Variants in ARL15 observed in about 807,000 individuals in gnomAD.
ARL15 encodes ARF like GTPase 15, also known as ADP-ribosylation factor-like protein 15.
In ARL15, 19 loss-of-function variants were observed where a neutral mutation model predicts 25.2. That is an observed-to-expected ratio of 0.75 (90% CI 0.53 to 1.10). ARL15 has a LOEUF of 1.10. ARL15 is among the 50% of genes least tolerant of loss of function. The pLI is 0.00. For synonymous variants in ARL15, 94 were observed against 86.8 expected, an observed-to-expected ratio of 1.08 and a Z score of -0.46; for missense variants, 220 against 246.0, an observed-to-expected ratio of 0.89 and a Z score of 0.71.
chr5:54,223,074 G>A (rs1200313560), intron 1 of ARL15, among the ~76,000 whole-genome samples: 2 of 149,826 alleles, frequency 1.3e-5, no homozygotes, highest in South Asian at 2.1e-4. Flanking sequence ...CGCCAGCCTC[G>A]GCAAGGAGAC....
intron 1 of ARL15, among the ~76,000 whole-genome samples, chr5:54,277,961 A>C (rs11745511): frequency 0.56 from 85,420 of 152,026 alleles, 25,646 homozygotes; most frequent in Non-Finnish European, 0.68. Flanking sequence ...GTATGCTTCA[A>C]ACAGTACCAT....
intron 4 of ARL15, among the ~76,000 whole-genome samples, chr5:53,918,181 T>TTTTATTTA (rs112974035): frequency 1.6e-4 from 25 of 151,952 alleles, no homozygotes; most frequent in African/African-American, 6.0e-4. Context: ...AAAAAGCAGA[T>TTTTATTTA]TTTATTTATT....
At chr5:54,165,980 G>A (rs1561249899) in intron 2 of ARL15, among the ~76,000 whole-genome samples, 2 of 152,014 alleles carry the variant, frequency 1.3e-5, no homozygotes, top group Admixed American at 6.6e-5. Flanking sequence ...ACATTATGGA[G>A]GACAATCTGT....
chr5:54,110,962 G>T (rs1000574542), intron 4 of ARL15, among the ~76,000 whole-genome samples: 1 of 151,912 alleles, frequency 6.6e-6, no homozygotes, highest in African/African-American at 2.4e-5. Flanking sequence ...CTGTCATCAA[G>T]AAATGGGAAA....
At chr5:54,058,007 TA>T (rs754962719) in intron 4 of ARL15, among the ~76,000 whole-genome samples, 40,201 of 141,466 alleles carry the variant, frequency 0.28, 7,046 homozygotes, top group Admixed American at 0.38. Context: ...TTTATTTATT[TA>T]TTTATTTATT....
At chr5:54,048,893 A>G (rs1282755162) in intron 4 of ARL15, among the ~76,000 whole-genome samples, 2 of 152,024 alleles carry the variant, frequency 1.3e-5, no homozygotes, top group Non-Finnish European at 2.9e-5. Context: ...CACCAGTCAG[A>G]GCAGGAGTTA....
chr5:54,169,876 T>C (rs1754669306), intron 2 of ARL15, among the ~76,000 whole-genome samples: 1 of 152,134 alleles, frequency 6.6e-6, no homozygotes, highest in Non-Finnish European at 1.5e-5. Context: ...GCTAATCTTC[T>C]CTGGGGTCTC....
At chr5:54,107,556 G>A (rs983463701) in intron 4 of ARL15, among the ~76,000 whole-genome samples, 6 of 152,052 alleles carry the variant, frequency 3.9e-5, no homozygotes, top group African/African-American at 1.2e-4. Context: ...AGATCTAGGG[G>A]TGTAAACTAT....
chr5:54,078,978 A>T (rs1284366117), intron 4 of ARL15, among the ~76,000 whole-genome samples: 1 of 152,196 alleles, frequency 6.6e-6, no homozygotes, highest in Non-Finnish European at 1.5e-5. Context: ...TTTAATTCAA[A>T]AGAATTCAGT....
chr5:53,977,709 G>A lies in ARL15; in HGVS notation c.463-90996C>T, dbSNP rs958055680. On this transcript the variant is annotated intron_variant, in intron 4 of 4. Transcript: ENST00000504924. ...ATTTCAAACCAAGCTCTTTGATGAT[G>A]AAATTAGAGCAGAAAAGTCTTATCA... Among the ~76,000 whole-genome samples, 6 of 152,168 alleles carry A rather than the reference G, an allele frequency of 3.9e-5. 1 individual carries two copies. In the South Asian group the frequency reaches 1.0e-3, roughly 26 times the overall value.
At position 54,236,407 on chromosome 5, in the gene ARL15, GACACACAC is replaced by G. The variant is rs72439978; in HGVS notation, c.49-64487_49-64480del. On this transcript the variant is annotated intron_variant, in intron 1 of 4. Transcript: ENST00000504924. ...CCGAGTTGAACTGAAACTAAACACA[GACACACAC>G]ACACACACACACACACACACACACA... 9.7e-3 allele frequency among the ~76,000 whole-genome samples: 1,361 copies of G among 140,726 alleles called. 19 individuals are homozygous for G. The highest frequency in any genetic ancestry group is 0.032 in the African/African-American group (1,259 of 39,300). The allele number at this position is 140,726 out of a possible 152,430, so 92.3% of individuals were successfully genotyped here.
intron 4 of ARL15, among the ~76,000 whole-genome samples, chr5:54,039,800 TAAAAA>T (rs35030165): frequency 3.8e-5 from 2 of 52,546 alleles, no homozygotes; most frequent in Admixed American, 3.1e-4. Flanking sequence ...AGACTCTGTC[TAAAAA>T]AAAAAAAAAA....
intron 4 of ARL15, among the ~76,000 whole-genome samples, chr5:53,940,629 A>G (rs1746511301): frequency 1.3e-5 from 2 of 152,206 alleles, no homozygotes; most frequent in South Asian, 4.1e-4. Context: ...TAAAAGTCAC[A>G]TGGCATTTTT....
At chr5:54,242,638 G>A (rs1411981797) in intron 1 of ARL15, among the ~76,000 whole-genome samples, 1 of 152,302 alleles carries the variant, frequency 6.6e-6, no homozygotes, top group African/African-American at 2.4e-5. Flanking sequence ...GCTCCCGGCA[G>A]CCATCTTGCC....
At chr5:53,934,394 G>T (rs1746292664) in intron 4 of ARL15, among the ~76,000 whole-genome samples, 1 of 150,740 alleles carries the variant, frequency 6.6e-6, no homozygotes, top group South Asian at 2.1e-4. Context: ...GATTTTTATT[G>T]TTTAACTGAA....
intron 4 of ARL15, among the ~76,000 whole-genome samples, chr5:53,944,456 C>A (rs1746653327): frequency 6.6e-6 from 1 of 151,908 alleles, no homozygotes; most frequent in Non-Finnish European, 1.5e-5. Flanking sequence ...ACAAAAAATA[C>A]AAAAAATTTG....
At chr5:54,133,953 G>A (rs3846490) in intron 3 of ARL15, among the ~76,000 whole-genome samples, 34,367 of 152,106 alleles carry the variant, frequency 0.23, 4,340 homozygotes, top group African/African-American at 0.34. Context: ...AAACAGTTAA[G>A]AGGAAAGTAA....
intron 4 of ARL15, among the ~76,000 whole-genome samples, chr5:53,944,120 C>T (rs565588360): frequency 6.6e-6 from 1 of 152,232 alleles, no homozygotes; most frequent in East Asian, 1.9e-4. Context: ...ACATGGTAAA[C>T]ACCACCATGT....
At chr5:54,301,254 A>AT (rs909325411) in intron 1 of ARL15, among the ~76,000 whole-genome samples, 5 of 151,202 alleles carry the variant, frequency 3.3e-5, no homozygotes, top group South Asian at 2.1e-4. Flanking sequence ...TTCACTCAAC[A>AT]TTTTTTTTTA....
Sources: allele counts gnomAD v4.1 joint callset (sites outside exome capture counted in the v4.1 genomes callset), GRCh38; gene constraint gnomAD v4.1.1; transcripts MANE v1.5; gene names NCBI Gene and HGNC (gene_info 2026-07-23, HGNC 2026-07-21).